The following ATP8A1 variants were observed in gnomAD, a reference collection of about 807,000 sequenced individuals.
ATP8A1 encodes the protein ATPase phospholipid transporting 8A1, also known as phospholipid-transporting ATPase IA.
A neutral mutation model predicts 177.7 loss-of-function variants in ATP8A1; 90 were observed. That is an observed-to-expected ratio of 0.51 (90% CI 0.43 to 0.60). ATP8A1 has a LOEUF of 0.60. Ranked by LOEUF, ATP8A1 falls within the 20% of genes least tolerant of loss-of-function variation. The pLI is 0.00. For synonymous variants in ATP8A1, 493 were observed against 485.9 expected (o/e 1.01, Z -0.19); for missense variants, 1,072 against 1,392.8 (o/e 0.77, Z 3.67).
intron 33 of ATP8A1, among the ~76,000 whole-genome samples, chr4:42,425,954 C>T (rs1714564892): frequency 1.3e-5 from 2 of 152,268 alleles, no homozygotes; most frequent in Non-Finnish European, 1.5e-5. Context: ...GGGCACAGGC[C>T]GTGTGTGGCG....
chr4:42,650,361 C>T (rs561573117), intron 1 of ATP8A1, among the ~76,000 whole-genome samples: 16 of 152,180 alleles, frequency 1.1e-4, no homozygotes, highest in Non-Finnish European at 1.9e-4. Flanking sequence ...TAAAACTGAA[C>T]TCATCTCCAT....
chr4:42,483,373 T>C lies in ATP8A1; in HGVS notation c.2324+2123A>G, dbSNP rs1721880578. ...AAAAAGCTGAGGAAAGATATGTGACTTAAGAAAAAAAAAAAAAAAACCTTA... is the reference window on the plus strand; with the variant it reads ...AAAAAGCTGAGGAAAGATATGTGACCTAAGAAAAAAAAAAAAAAAACCTTA... On this transcript the variant is annotated intron_variant, in intron 25 of 36. Transcript: ENST00000381668. Among the ~76,000 whole-genome samples the C allele has an allele frequency of 3.8e-5, 3 of 79,816 alleles. No individual in the cohort carries two copies. The South Asian group carries it at 1.2e-3, about 32-fold the overall frequency. 52.4% of individuals were successfully genotyped at this position (79,816 alleles called of 152,430 possible). A position where few individuals can be genotyped will look rare whatever the true frequency, so the allele number is the denominator to read the frequency against.
chr4:42,459,715 C>G (rs1291933495), intron 27 of ATP8A1, among the ~76,000 whole-genome samples: 1 of 152,188 alleles, frequency 6.6e-6, no homozygotes, highest in East Asian at 1.9e-4. Context: ...CAGACCAAAT[C>G]TAGCAGTAAT....
At chr4:42,596,664 C>T (rs1407626253) in intron 6 of ATP8A1, among the ~76,000 whole-genome samples, 1 of 103,906 alleles carries the variant, frequency 9.6e-6, no homozygotes, top group Non-Finnish European at 1.9e-5. Flanking sequence ...GAGACTCCAT[C>T]TCAAAAAAAA....
rs556457468 is a variant in ATP8A1 at position 42,543,957 on chromosome 4, C to T, written c.1682G>A (p.Arg561His). 5.9e-5 allele frequency: 95 copies of T among 1,612,774 alleles called. No individual in the cohort carries two copies. Among genetic ancestry groups the T allele is most frequent in the Non-Finnish European group, 7.8e-5 (92 of 1,179,520 alleles). Reference sequence around the variant, plus strand: ...GAGTCGTAACTTTCCAGATGGAGTGCGAACAATCACTGACATTCTTTTCCT... The same window carrying T: ...GAGTCGTAACTTTCCAGATGGAGTGTGAACAATCACTGACATTCTTTTCCT... ...SARKRMSVIV[R>H]TPSGKLRLYC... The change falls in exon 20 of 37, where the codon CGC becomes CAC. Residue 561 changes from arginine (R) to histidine (H), a missense_variant. By Grantham distance (29) the Arg-to-His change is conservative (BLOSUM62 0). Around this residue, in one of 5 missense-constraint regions of ATP8A1, gnomAD observed 388 missense variants for 471.7 expected, o/e 0.82. Coordinates refer to ENST00000381668, the MANE Select transcript of ATP8A1 (RefSeq NM_006095.2).
intron 24 of ATP8A1, 117 bp downstream of exon 24, chr4:42,503,333 G>A: frequency 1.7e-6 from 1 of 591,234 alleles, no homozygotes; most frequent in Non-Finnish European, 2.9e-6. Context: ...CAGAACAACA[G>A]TGATAAGGTA....
chr4:42,459,252 A>C (rs1260055822), intron 27 of ATP8A1: 1 of 155,148 alleles, frequency 6.4e-6, no homozygotes, highest in Non-Finnish European at 1.4e-5. Flanking sequence ...GTTTAGGGTT[A>C]ATCAACCACA....
At chr4:42,560,253 A>T (rs1730678834) in intron 15 of ATP8A1, among the ~76,000 whole-genome samples, 2 of 152,176 alleles carry the variant, frequency 1.3e-5, no homozygotes, top group South Asian at 4.1e-4. Flanking sequence ...GTAAAGATAC[A>T]CTTGAAATTA....
chr4:42,524,427 T>A (rs927343426), intron 21 of ATP8A1, among the ~76,000 whole-genome samples: 1 of 152,112 alleles, frequency 6.6e-6, no homozygotes, highest in African/African-American at 2.4e-5. Flanking sequence ...ATCTGTTTTT[T>A]TTTTTTGAGT....
intron 24 of ATP8A1, among the ~76,000 whole-genome samples, chr4:42,501,791 A>G (rs1723877974): frequency 6.6e-6 from 1 of 152,148 alleles, no homozygotes; most frequent in Non-Finnish European, 1.5e-5. Flanking sequence ...AAATGAGTAC[A>G]CTGCAGCAGG....
At chr4:42,503,952 A>G (rs567788391) in intron 23 of ATP8A1, among the ~76,000 whole-genome samples, 4 of 152,284 alleles carry the variant, frequency 2.6e-5, no homozygotes, top group Admixed American at 1.3e-4. Flanking sequence ...TCCTGGGAGA[A>G]TCAGTACATC....
chr4:42,437,055 G>A (rs908535672), intron 33 of ATP8A1, among the ~76,000 whole-genome samples: 7 of 152,092 alleles, frequency 4.6e-5, no homozygotes, highest in African/African-American at 9.7e-5. Context: ...ACACATGCTC[G>A]TTCCTTAACT....
At chr4:42,653,166 A>G (rs943540587) in intron 1 of ATP8A1, among the ~76,000 whole-genome samples, 1 of 152,102 alleles carries the variant, frequency 6.6e-6, no homozygotes, top group African/African-American at 2.4e-5. Flanking sequence ...CCCTTCCCCC[A>G]GATCCCCACC....
chr4:42,431,500 G>GT (rs1715299804), intron 33 of ATP8A1, among the ~76,000 whole-genome samples: 1 of 94,606 alleles, frequency 1.1e-5, no homozygotes, highest in Non-Finnish European at 2.4e-5. Flanking sequence ...TCACATAACT[G>GT]GTAAGGTTTC....
intron 12 of ATP8A1, among the ~76,000 whole-genome samples, chr4:42,576,433 G>T (rs1043820614): frequency 8.7e-6 from 1 of 115,290 alleles, no homozygotes; most frequent in East Asian, 2.9e-4. Context: ...CCTAGATCGC[G>T]CCACTGCACT....
At chr4:42,564,567 T>C (rs1390303242) in intron 15 of ATP8A1, among the ~76,000 whole-genome samples, 28 of 152,344 alleles carry the variant, frequency 1.8e-4, no homozygotes, top group Non-Finnish European at 1.5e-5. Context: ...GCGTGGGGCC[T>C]GTAGCTCCTT....
At chr4:42,578,122 A>C (rs1732658279) in intron 12 of ATP8A1, 138 bp downstream of exon 12, 4 of 838,256 alleles carry the variant, frequency 4.8e-6, no homozygotes, top group Non-Finnish European at 6.7e-6. Flanking sequence ...GGAACTTTGC[A>C]ACAAATTAGG....
intron 6 of ATP8A1, among the ~76,000 whole-genome samples, chr4:42,600,039 T>A (rs1019687945): frequency 2.6e-5 from 4 of 152,238 alleles, no homozygotes; most frequent in Non-Finnish European, 5.9e-5. Flanking sequence ...AAGACAATGT[T>A]TAATTTGTAA....
chr4:42,624,606 C>A lies in ATP8A1; in HGVS notation c.293G>T (p.Arg98Leu). Reference sequence around the variant, plus strand: ...TAAGAGAGGAACCAGTGTTGTATAACGACCTGTTGGTGACACATCAGGTAT... The same window carrying A: ...TAAGAGAGGAACCAGTGTTGTATAAAGACCTGTTGGTGACACATCAGGTAT... ...QQIPDVSPTG[R>L]YTTLVPLLFI... The change falls in exon 4 of 37, where the codon CGT becomes CTT. Residue 98 changes from arginine (R) to leucine (L), a missense_variant. Physicochemically the swap from Arg to Leu is moderately radical, Grantham distance 102. Around this residue, in one of 5 missense-constraint regions of ATP8A1, gnomAD observed 344 missense variants for 393.5 expected, o/e 0.87. Coordinates refer to ENST00000381668, the MANE Select transcript of ATP8A1 (RefSeq NM_006095.2). 4 of 1,459,422 alleles carry A rather than the reference C, an allele frequency of 2.7e-6. No individual in the cohort carries two copies. The highest frequency in any genetic ancestry group is 1.6e-5 in the South Asian group (1 of 61,786). 90.4% of individuals were successfully genotyped at this position (1,459,422 alleles called of 1,614,324 possible).
Sources: allele counts gnomAD v4.1 joint callset (sites outside exome capture counted in the v4.1 genomes callset), GRCh38; gene constraint gnomAD v4.1.1; regional missense constraint gnomAD v4.1.1; transcripts MANE v1.5; gene names NCBI Gene and HGNC (gene_info 2026-07-23, HGNC 2026-07-21).